Variants in AHRR observed in about 807,000 individuals in gnomAD.
AHRR encodes the protein aryl hydrocarbon receptor repressor, also known as ahR repressor.
AHRR carries 28 observed loss-of-function variants against 44.0 expected under a neutral mutation model. The ratio of observed to expected loss-of-function variants is 0.64; its 90% CI spans 0.47 to 0.87. The LOEUF (loss-of-function observed/expected upper bound fraction) is 0.87, where lower values mean the gene tolerates loss of function less well. Among genes scored for constraint, AHRR ranks in the 40% least tolerant of loss-of-function variants. AHRR has a pLI of 0.00. For synonymous variants in AHRR, 434 were observed against 407.0 expected, an observed-to-expected ratio of 1.07 and a Z score of -0.80; for missense variants, 990 against 953.9, an observed-to-expected ratio of 1.04 and a Z score of -0.50.
intron 5 of AHRR, among the ~76,000 whole-genome samples, chr5:420,107 G>T: frequency 6.6e-6 from 1 of 152,228 alleles, no homozygotes; most frequent in East Asian, 1.9e-4. Flanking sequence ...CCCTGAGGCT[G>T]CCGCCATAGA....
In AHRR at chr5:423,874, C is replaced by T. The variant is rs778358093; in HGVS notation, c.605C>T (p.Ala202Val). The T allele has an allele frequency of 3.7e-6, 6 of 1,605,786 alleles. No homozygotes were observed. The South Asian group carries it at 4.4e-5, about 12-fold the overall frequency. ...DDAILGRLLR[A>V]QEWGTGTPTE... ...GCTATCCTGGGGAGGCTGCTCAGGGCCCAGGAGTGGGGCACAGGCACGCCC... is the reference window on the plus strand; with the variant it reads ...GCTATCCTGGGGAGGCTGCTCAGGGTCCAGGAGTGGGGCACAGGCACGCCC... The change falls in exon 7 of 11, where the codon GCC (alanine) becomes GTC (valine). Residue 202 changes from alanine (A) to valine (V), a missense_variant. Transcript: ENST00000684583.
chr5:333,509 T>G (rs181585399), intron 1 of AHRR, among the ~76,000 whole-genome samples: 1 of 151,694 alleles, frequency 6.6e-6, no homozygotes, highest in East Asian at 1.9e-4. Context: ...GGCAGGAGAG[T>G]CACTTGAACC....
At chr5:399,881 C>T (rs1734937848) in intron 4 of AHRR, among the ~76,000 whole-genome samples, 2 of 152,236 alleles carry the variant, frequency 1.3e-5, no homozygotes, top group Admixed American at 6.5e-5. Context: ...GGAGCTGCTC[C>T]GTGGAAGAGA....
intron 3 of AHRR, among the ~76,000 whole-genome samples, chr5:361,804 G>A (rs1455811236): frequency 6.6e-6 from 1 of 152,200 alleles, no homozygotes; most frequent in Non-Finnish European, 1.5e-5. Context: ...CTGGAGAGCA[G>A]GTCTGCTTTA....
At chr5:323,276 G>T (rs149020640) in intron 1 of AHRR, among the ~76,000 whole-genome samples, 1 of 152,266 alleles carries the variant, frequency 6.6e-6, no homozygotes, top group Non-Finnish European at 1.5e-5. Flanking sequence ...GTTTGGTCCA[G>T]TCCAAAGGAG....
At position 434,495 on chromosome 5, in the gene AHRR, G is replaced by A. The variant is rs778155575; in HGVS notation, c.1755G>A (p.Ser585=). 32 of 1,612,888 alleles carry A rather than the reference G, an allele frequency of 2.0e-5. No individual in the cohort carries two copies. Among genetic ancestry groups the A allele is most frequent in the Non-Finnish European group, 2.4e-5 (28 of 1,179,968 alleles). ...EPDSRQQVYI[S]HLGHGVRGAQ... ...ACTCTCGGCAACAGGTGTACATCTC[G>A]CACCTGGGGCACGGCGTGCGGGGGG... The change falls in exon 11 of 11, where the codon TCG becomes TCA. Residue 585 remains serine (S), a synonymous_variant. Transcript: ENST00000684583.
At chr5:352,312 T>C (rs1183739517) in intron 2 of AHRR, among the ~76,000 whole-genome samples, 3 of 148,174 alleles carry the variant, frequency 2.0e-5, no homozygotes, top group Admixed American at 6.7e-5. Context: ...ATGGGTCAGC[T>C]GTAGGGGATG....
chr5:330,288 ACCAT>A (rs1378828627), intron 1 of AHRR, among the ~76,000 whole-genome samples: 5 of 152,140 alleles, frequency 3.3e-5, no homozygotes, highest in Non-Finnish European at 7.3e-5. Context: ...CATATGTTGA[ACCAT>A]CCTTGTATCC....
intron 4 of AHRR, among the ~76,000 whole-genome samples, chr5:399,830 C>T (rs1290255485): frequency 4.6e-5 from 7 of 152,244 alleles, no homozygotes; most frequent in African/African-American, 1.7e-4. Context: ...ACTCTGTGGC[C>T]ATCCGGCCAG....
chr5:426,308 G>T (rs1736386197), intron 7 of AHRR, among the ~76,000 whole-genome samples: 1 of 151,410 alleles, frequency 6.6e-6, no homozygotes, highest in South Asian at 2.1e-4. Context: ...ATGAGAAGAT[G>T]ATGGATGGTT....
intron 4 of AHRR, among the ~76,000 whole-genome samples, chr5:384,895 C>G (rs941204912): frequency 3.9e-5 from 6 of 152,200 alleles, no homozygotes; most frequent in African/African-American, 1.4e-4. Context: ...CCTGTTATCC[C>G]AGCACTTTGG....
At chr5:426,677 GGATGGATGGATA>G (rs1736412551) in intron 7 of AHRR, among the ~76,000 whole-genome samples, 1 of 150,860 alleles carries the variant, frequency 6.6e-6, no homozygotes, top group Non-Finnish European at 1.5e-5. Context: ...ATGGGTGGAC[GGATGGATGGATA>G]GATGGATGGG....
chr5:435,549 G>C lies in AHRR; in HGVS notation c.*715G>C, dbSNP rs1736988050. 1 of 152,440 alleles carries C rather than the reference G, an allele frequency of 6.6e-6. No homozygotes were observed. The allele number at this position is 152,440 out of a possible 1,614,324, so 9.4% of individuals were successfully genotyped here. A position where few individuals can be genotyped will look rare whatever the true frequency, so the allele number is the denominator to read the frequency against. ...AGAGTCTGAGGCCAGACCTGGACTG[G>C]AATTGACAGCATAACCCCTGTTCCT... On this transcript the variant is annotated 3_prime_UTR_variant, in exon 11 of 11. Coordinates refer to ENST00000684583, the MANE Select transcript of AHRR (RefSeq NM_001377236.1).
intron 1 of AHRR, among the ~76,000 whole-genome samples, chr5:332,361 G>A (rs933304695): frequency 2.9e-4 from 43 of 150,304 alleles, no homozygotes; most frequent in African/African-American, 1.0e-3. Flanking sequence ...TCCGCCTCCT[G>A]GGTTCAAGTG....
At chr5:346,848 C>T (rs1289452086) in intron 2 of AHRR, among the ~76,000 whole-genome samples, 2 of 152,146 alleles carry the variant, frequency 1.3e-5, no homozygotes, top group East Asian at 1.9e-4. Context: ...CTTGCTGTGC[C>T]GTGAGTAGTA....
intron 1 of AHRR, among the ~76,000 whole-genome samples, chr5:331,222 C>T (rs1317356490): frequency 1.3e-5 from 2 of 152,072 alleles, no homozygotes; most frequent in African/African-American, 4.8e-5. Context: ...CTGATTAAAT[C>T]CCACTTTTCA....
chr5:379,481 G>A (rs1363825671), intron 4 of AHRR, among the ~76,000 whole-genome samples: 1 of 152,196 alleles, frequency 6.6e-6, no homozygotes, highest in African/African-American at 2.4e-5. Context: ...GTGAATGAGT[G>A]TTTCAGTTGC....
At chr5:359,463 G>A (rs1350762664) in intron 3 of AHRR, among the ~76,000 whole-genome samples, 4 of 152,184 alleles carry the variant, frequency 2.6e-5, no homozygotes, top group Admixed American at 6.5e-5. Flanking sequence ...GCGTAGGGCC[G>A]GAGTGCTGAC....
rs1404541736 is a variant in AHRR, at chr5:427,853, A to G, written c.755A>G (p.Lys252Arg). The change falls in exon 8 of 11, where the codon AAG (lysine) becomes AGG (arginine). Residue 252 changes from lysine (K) to arginine (R), a missense_variant. Transcript: ENST00000684583. ...GKLKFLFGQK[K>R]KAPSGAMLPP... ...CTAAAATTCCTGTTTGGACAGAAGAAGAAGGCGCCGTCAGGAGCCATGCTC... is the reference window on the plus strand; with the variant it reads ...CTAAAATTCCTGTTTGGACAGAAGAGGAAGGCGCCGTCAGGAGCCATGCTC... 1 of 1,614,184 alleles carries G rather than the reference A, an allele frequency of 6.2e-7. No homozygotes were observed. The highest frequency in any genetic ancestry group is 1.3e-5 in the African/African-American group (1 of 75,072).
Sources: gnomAD v4.1 joint callset for allele counts (sites outside exome capture counted in the v4.1 genomes callset) on GRCh38, gnomAD v4.1.1 for gene constraint, MANE v1.5 for transcripts, NCBI Gene and HGNC (gene_info 2026-07-23, HGNC 2026-07-21) for gene names.